The following SPOCK1 variants were observed in gnomAD, a reference collection of about 807,000 sequenced individuals.
SPOCK1 encodes the protein SPARC (osteonectin), cwcv and kazal like domains proteoglycan 1.
A neutral mutation model predicts 55.3 loss-of-function variants in SPOCK1; 23 were observed. That is an observed-to-expected ratio of 0.42 (90% CI 0.30 to 0.59). SPOCK1 has a LOEUF of 0.59. SPOCK1 is among the 20% of genes least tolerant of loss of function. The pLI is 0.22. For synonymous variants in SPOCK1, 226 were observed against 221.0 expected, an observed-to-expected ratio of 1.02 and a Z score of -0.20; for missense variants, 499 against 552.5, an observed-to-expected ratio of 0.90 and a Z score of 0.97.
chr5:137,059,803 A>AT (rs1478372870), intron 6 of SPOCK1, among the ~76,000 whole-genome samples: 1 of 152,248 alleles, frequency 6.6e-6, no homozygotes, highest in East Asian at 1.9e-4. Context: ...GGACATGAAC[A>AT]TTTTTCAAAA....
intron 2 of SPOCK1, among the ~76,000 whole-genome samples, chr5:137,477,417 G>A (rs901001063): frequency 6.6e-6 from 1 of 152,046 alleles, no homozygotes; most frequent in Non-Finnish European, 1.5e-5. Flanking sequence ...CTGGGAAGGC[G>A]GTTGCAGAGA....
chr5:137,383,241 A>G (rs367716545), intron 2 of SPOCK1, among the ~76,000 whole-genome samples: 11 of 151,320 alleles, frequency 7.3e-5, no homozygotes, highest in East Asian at 1.9e-4. Flanking sequence ...AAAATCAGGG[A>G]AAAAAAAATC....
intron 2 of SPOCK1, among the ~76,000 whole-genome samples, chr5:137,475,652 G>A (rs1480153613): frequency 6.6e-6 from 1 of 151,982 alleles, no homozygotes; most frequent in Non-Finnish European, 1.5e-5. Context: ...GCACAACCAT[G>A]GCTCACTGCA....
At chr5:137,356,559 G>C (rs538890073) in intron 2 of SPOCK1, among the ~76,000 whole-genome samples, 1 of 151,644 alleles carries the variant, frequency 6.6e-6, no homozygotes, top group Non-Finnish European at 1.5e-5. Flanking sequence ...GGAGTCCCAG[G>C]TGGATGTATC....
intron 2 of SPOCK1, among the ~76,000 whole-genome samples, chr5:137,474,112 G>C (rs1025475124): frequency 6.6e-5 from 10 of 152,038 alleles, no homozygotes; most frequent in African/African-American, 2.4e-4. Flanking sequence ...AGGGGAGCGA[G>C]GGATAAAAGA....
chr5:137,488,766 G>A (rs1325311690), intron 2 of SPOCK1, among the ~76,000 whole-genome samples: 2 of 152,132 alleles, frequency 1.3e-5, no homozygotes, highest in South Asian at 2.1e-4. Context: ...AATCACAGGC[G>A]CCGACGGACT....
chr5:137,396,429 AAGTT>A (rs1246018504), intron 2 of SPOCK1, among the ~76,000 whole-genome samples: 2 of 152,258 alleles, frequency 1.3e-5, no homozygotes, highest in Non-Finnish European at 1.5e-5. Flanking sequence ...CTTTAAAACT[AAGTT>A]AGGGGTAAAG....
rs539806690 is a variant in SPOCK1, at chr5:137,255,392, C to T, written c.232+11618G>A. ...TACAGAAGTATACAGAAACTCACTG[C>T]GCATGTGATGGAGTAACAACATACA... On this transcript the variant is annotated intron_variant, in intron 3 of 10. Coordinates refer to ENST00000394945, the MANE Select transcript of SPOCK1 (RefSeq NM_004598.4). Among the ~76,000 whole-genome samples the T allele has an allele frequency of 5.3e-5, 8 of 152,318 alleles. No individual in the cohort carries two copies. In the South Asian group the frequency reaches 6.2e-4, roughly 12 times the overall value.
In SPOCK1 at chr5:137,386,606, T is replaced by C. The variant is rs537219548; in HGVS notation, c.186+111767A>G. ...CAAATAGTGCTAGAAAAATTGGACA[T>C]CTACAAGCAAAGAAAAAATCACAGA... On this transcript the variant is annotated intron_variant, in intron 2 of 10. Transcript: ENST00000394945. Among the ~76,000 whole-genome samples, 9 of 152,230 alleles carry C rather than the reference T, an allele frequency of 5.9e-5. No individual in the cohort carries two copies. In the South Asian group the frequency reaches 1.7e-3, roughly 28 times the overall value.
chr5:137,319,123 A>G (rs1348717635), intron 2 of SPOCK1, among the ~76,000 whole-genome samples: 1 of 152,204 alleles, frequency 6.6e-6, no homozygotes, highest in Non-Finnish European at 1.5e-5. Context: ...CACAAATTCC[A>G]AGACTATATA....
At chr5:137,340,077 T>C (rs1750384872) in intron 2 of SPOCK1, among the ~76,000 whole-genome samples, 1 of 148,944 alleles carries the variant, frequency 6.7e-6, no homozygotes, top group Non-Finnish European at 1.5e-5. Context: ...AAATTCTACT[T>C]TACTATTTCA....
At chr5:137,024,354 A>G (rs1751632251) in intron 6 of SPOCK1, among the ~76,000 whole-genome samples, 1 of 148,842 alleles carries the variant, frequency 6.7e-6, no homozygotes, top group Non-Finnish European at 1.5e-5. Flanking sequence ...ATGTTTTGTT[A>G]AATACAACAC....
intron 2 of SPOCK1, among the ~76,000 whole-genome samples, chr5:137,434,792 C>T (rs774585567): frequency 3.9e-5 from 6 of 152,182 alleles, no homozygotes; most frequent in Non-Finnish European, 8.8e-5. Flanking sequence ...TGAGCCACCA[C>T]GCCCGGCCTC....
chr5:136,998,334 G>A (rs1343668281), intron 6 of SPOCK1, among the ~76,000 whole-genome samples: 2 of 152,150 alleles, frequency 1.3e-5, no homozygotes, highest in Non-Finnish European at 2.9e-5. Flanking sequence ...CCCCACACCC[G>A]TATTCTTAGC....
At chr5:137,394,577 A>G (rs1436764417) in intron 2 of SPOCK1, among the ~76,000 whole-genome samples, 1 of 152,192 alleles carries the variant, frequency 6.6e-6, no homozygotes, top group African/African-American at 2.4e-5. Context: ...AGCCTCCCAC[A>G]GGCTATACCC....
chr5:137,494,084 G>A (rs977305508), intron 2 of SPOCK1, among the ~76,000 whole-genome samples: 71 of 152,272 alleles, frequency 4.7e-4, no homozygotes, highest in African/African-American at 1.3e-3. Flanking sequence ...CTTCAGGCCC[G>A]CTAAAGGTAA....
intron 3 of SPOCK1, among the ~76,000 whole-genome samples, chr5:137,165,882 A>G (rs1754639396): frequency 2.6e-5 from 4 of 152,136 alleles, no homozygotes. Flanking sequence ...AAGAAAAAAA[A>G]TTAAAAACAA....
rs1211818165 is a variant in SPOCK1, at chr5:137,489,621, G to GT, written c.186+8751dup. Among the ~76,000 whole-genome samples, 9 of 152,342 alleles carry GT rather than the reference G, an allele frequency of 5.9e-5. No homozygotes were observed. The South Asian group carries it at 1.5e-3, about 25-fold the overall frequency. ...GGAAAAGAACAGGCCATCCTTCCAA[G>GT]TACTTGGGCCATCTGTGTGCCTCAC... On this transcript the variant is annotated intron_variant, in intron 2 of 10. Transcript: ENST00000394945.
At chr5:137,412,066 G>C (rs1165923885) in intron 2 of SPOCK1, among the ~76,000 whole-genome samples, 1 of 152,192 alleles carries the variant, frequency 6.6e-6, no homozygotes, top group African/African-American at 2.4e-5. Context: ...ACAATGTGAA[G>C]AGTTGAGGGG....
Sources: gnomAD v4.1 joint callset for allele counts (sites outside exome capture counted in the v4.1 genomes callset) on GRCh38, gnomAD v4.1.1 for gene constraint, MANE v1.5 for transcripts, NCBI Gene and HGNC (gene_info 2026-07-23, HGNC 2026-07-21) for gene names.